The following SRGAP3 variants were observed in gnomAD, a reference collection of about 807,000 sequenced individuals.
The protein encoded by SRGAP3 is SLIT-ROBO Rho GTPase-activating protein 3.
A neutral mutation model predicts 121.1 loss-of-function variants in SRGAP3; 39 were observed. The ratio of observed to expected loss-of-function variants is 0.32; its 90% CI spans 0.25 to 0.42. The LOEUF (loss-of-function observed/expected upper bound fraction) is 0.42, where lower values mean the gene tolerates loss of function less well. Among genes scored for constraint, SRGAP3 ranks in the 10% least tolerant of loss-of-function variants. The pLI, the probability that SRGAP3 is intolerant of heterozygous loss-of-function variation, is 1.00. For synonymous variants in SRGAP3, 601 were observed against 570.0 expected, an observed-to-expected ratio of 1.05 and a Z score of -0.77; for missense variants, 1,213 against 1,470.6, an observed-to-expected ratio of 0.82 and a Z score of 2.86.
chr3:9,052,463 T>G (rs201670228), intron 9 of SRGAP3, among the ~76,000 whole-genome samples: 2 of 152,188 alleles, frequency 1.3e-5, no homozygotes, highest in Admixed American at 1.3e-4. Context: ...CATGGAAGAT[T>G]TAAGGTCCCT....
chr3:9,251,320 C>CT (rs1291501784), upstream of SRGAP3, among the ~76,000 whole-genome samples: 1 of 152,198 alleles, frequency 6.6e-6, no homozygotes, highest in Non-Finnish European at 1.5e-5. Flanking sequence ...ATAGATGCCA[C>CT]TGGCCCGCAG....
chr3:9,019,373 T>A (rs1240557601), intron 14 of SRGAP3, among the ~76,000 whole-genome samples: 1 of 152,214 alleles, frequency 6.6e-6, no homozygotes, highest in East Asian at 1.9e-4. Context: ...TGGCATATCA[T>A]CAGTGTTTTG....
At chr3:9,064,208 T>C (rs977881700) in intron 5 of SRGAP3, among the ~76,000 whole-genome samples, 188 bp downstream of exon 5, 6 of 152,288 alleles carry the variant, frequency 3.9e-5, no homozygotes, top group East Asian at 3.9e-4. Context: ...CATGCCTGGC[T>C]CCGCTTCCAC....
chr3:9,342,591 T>C (rs1046345823), intron 1 of SRGAP3, among the ~76,000 whole-genome samples: 4 of 152,226 alleles, frequency 2.6e-5, no homozygotes, highest in Admixed American at 2.6e-4. Flanking sequence ...CTGGTCTCTC[T>C]GACCATCTTG....
chr3:9,173,375 G>A (rs1307368329), intron 1 of SRGAP3, among the ~76,000 whole-genome samples: 2 of 152,310 alleles, frequency 1.3e-5, no homozygotes, highest in East Asian at 1.9e-4. Context: ...CCTCCTTCAG[G>A]AGAGTATCTG....
At chr3:9,293,728 G>GA (rs1012955479) in intron 3 of SRGAP3, among the ~76,000 whole-genome samples, 2 of 151,798 alleles carry the variant, frequency 1.3e-5, no homozygotes, top group Non-Finnish European at 2.9e-5. Flanking sequence ...ACAAACATAC[G>GA]AAAAAAAATC....
chr3:9,244,477 A>C (rs1953755117), intron 1 of SRGAP3, among the ~76,000 whole-genome samples: 1 of 151,456 alleles, frequency 6.6e-6, no homozygotes, highest in Non-Finnish European at 1.5e-5. Context: ...TTGCATTTCT[A>C]TTTCAATTTT....
At chr3:9,241,476 G>A (rs535587455) in intron 1 of SRGAP3, among the ~76,000 whole-genome samples, 1 of 152,310 alleles carries the variant, frequency 6.6e-6, no homozygotes, top group African/African-American at 2.4e-5. Flanking sequence ...ACCCCACTGA[G>A]ACGGCTGTCA....
chr3:9,041,016 T>G lies in SRGAP3; in HGVS notation c.1409-2926A>C, dbSNP rs1390560099. On this transcript the variant is annotated intron_variant, in intron 10 of 21. Transcript: ENST00000383836. ...CACAAAGTATATGCTCAACAAATATTTGTAGAATGAGTGAATGAATGAACA... is the reference window on the plus strand; with the variant it reads ...CACAAAGTATATGCTCAACAAATATGTGTAGAATGAGTGAATGAATGAACA... Among the ~76,000 whole-genome samples, 5 of 152,304 alleles carry G rather than the reference T, an allele frequency of 3.3e-5. No individual in the cohort carries two copies. The South Asian group carries it at 1.0e-3, about 32-fold the overall frequency.
At chr3:9,153,232 A>G (rs1334263810) in intron 1 of SRGAP3, among the ~76,000 whole-genome samples, 1 of 152,208 alleles carries the variant, frequency 6.6e-6, no homozygotes, top group Non-Finnish European at 1.5e-5. Context: ...TCCCAAGAGC[A>G]CTTACTACAG....
intron 14 of SRGAP3, chr3:9,015,957 C>T (rs887035999): frequency 3.5e-5 from 20 of 565,672 alleles, no homozygotes; most frequent in Admixed American, 9.2e-5. Context: ...AAATAATGAA[C>T]GCCCATCACC....
intron 1 of SRGAP3, among the ~76,000 whole-genome samples, chr3:9,228,425 T>C (rs1953072698): frequency 6.6e-6 from 1 of 152,210 alleles, no homozygotes; most frequent in Non-Finnish European, 1.5e-5. Context: ...GCCAGACCAC[T>C]TCCTGCCTAG....
At chr3:9,094,525 C>T (rs75575815) in intron 3 of SRGAP3, among the ~76,000 whole-genome samples, 7 of 152,232 alleles carry the variant, frequency 4.6e-5, no homozygotes, top group Admixed American at 2.6e-4. Context: ...CATACCCCTT[C>T]CAGCACTGTT....
chr3:9,045,714 G>C (rs1207583258), intron 10 of SRGAP3, among the ~76,000 whole-genome samples: 1 of 152,116 alleles, frequency 6.6e-6, no homozygotes, highest in African/African-American at 2.4e-5. Context: ...AGAAGGCGTG[G>C]GCAGGCCACT....
intron 4 of SRGAP3, among the ~76,000 whole-genome samples, chr3:9,078,320 T>C (rs2669989): frequency 0.87 from 132,975 of 152,140 alleles, 58,136 homozygotes; most frequent in Middle Eastern, 0.93. Flanking sequence ...AGGAAAGTGA[T>C]CCATTCAAAG....
intron 3 of SRGAP3, among the ~76,000 whole-genome samples, chr3:9,086,381 C>T (rs1028246155): frequency 1.3e-5 from 2 of 151,860 alleles, no homozygotes; most frequent in Non-Finnish European, 2.9e-5. Flanking sequence ...AAAAAATTAG[C>T]CAAGTGTGGT....
At chr3:9,234,540 T>C (rs1483432343) in intron 1 of SRGAP3, among the ~76,000 whole-genome samples, 2 of 152,154 alleles carry the variant, frequency 1.3e-5, no homozygotes, top group Non-Finnish European at 2.9e-5. Flanking sequence ...CTATAAGCTA[T>C]AGAAGGTCCC....
intron 3 of SRGAP3, among the ~76,000 whole-genome samples, chr3:9,100,963 AG>A (rs1309195500): frequency 6.6e-6 from 1 of 152,254 alleles, no homozygotes; most frequent in Non-Finnish European, 1.5e-5. Flanking sequence ...GCCCATAGGC[AG>A]GAAGGACCAG....
chr3:9,308,198 C>T (rs540376441), intron 3 of SRGAP3, among the ~76,000 whole-genome samples: 13 of 152,220 alleles, frequency 8.5e-5, no homozygotes, highest in Admixed American at 4.6e-4. Context: ...CATGTGTGCA[C>T]GTATGTTCAC....
Sources: allele counts gnomAD v4.1 joint callset (sites outside exome capture counted in the v4.1 genomes callset), GRCh38; gene constraint gnomAD v4.1.1; transcripts MANE v1.5; gene names NCBI Gene and HGNC (gene_info 2026-07-23, HGNC 2026-07-21).